MARCHF3: variants seen among roughly 807,000 people sequenced by gnomAD.
MARCHF3 encodes E3 ubiquitin-protein ligase MARCHF3.
Under a neutral mutation model 24.2 loss-of-function variants are expected in MARCHF3, and 13 were observed. The observed-to-expected ratio is 0.54, with a 90% CI of 0.35 to 0.85. The LOEUF is 0.85. Ranked by LOEUF, MARCHF3 falls within the 40% of genes least tolerant of loss-of-function variation. The pLI, the probability that MARCHF3 is intolerant of heterozygous loss-of-function variation, is 0.01. For missense variants in MARCHF3, 276 were observed against 325.0 expected, an observed-to-expected ratio of 0.85 and a Z score of 1.16; for synonymous variants, 144 against 137.3, an observed-to-expected ratio of 1.05 and a Z score of -0.34.
At chr5:126,871,618 A>T (rs1272351760) in intron 4 of MARCHF3, among the ~76,000 whole-genome samples, 4 of 152,158 alleles carry the variant, frequency 2.6e-5, no homozygotes, top group Non-Finnish European at 5.9e-5. Flanking sequence ...GCACTTAGGA[A>T]ATTGCTCAAG....
chr5:126,968,224 T>C (rs1397774020), intron 1 of MARCHF3, among the ~76,000 whole-genome samples: 3 of 152,254 alleles, frequency 2.0e-5, no homozygotes, highest in Admixed American at 2.0e-4. Flanking sequence ...TGTTTCCACA[T>C]ACATTTTCAA....
chr5:127,020,808 C>T (rs1247484375), intron 1 of MARCHF3, among the ~76,000 whole-genome samples: 1 of 151,900 alleles, frequency 6.6e-6, no homozygotes, highest in Non-Finnish European at 1.5e-5. Context: ...GAGACTGTGC[C>T]ACTCTACTCC....
rs1048824917 is a variant in MARCHF3 at position 126,947,243 on chromosome 5, C to T, written c.-56-29016G>A. On this transcript the variant is annotated intron_variant, in intron 1 of 4. Coordinates refer to ENST00000308660, the MANE Select transcript of MARCHF3 (RefSeq NM_178450.5). ...ATTTATTGACAAAGGAATTAATCTT[C>T]ACCAATGATGTTTTTTAAAGCCCAT... Among the ~76,000 whole-genome samples, 3 of 152,210 alleles carry T rather than the reference C, an allele frequency of 2.0e-5. No homozygotes were observed. In the East Asian group the frequency reaches 5.8e-4, roughly 29 times the overall value.
chr5:126,933,400 A>G (rs1749536965), intron 1 of MARCHF3, among the ~76,000 whole-genome samples: 2 of 151,916 alleles, frequency 1.3e-5, no homozygotes, highest in Admixed American at 6.5e-5. Context: ...GGCAAATTCA[A>G]TAACAGAATT....
At chr5:127,004,021 G>C (rs1477882011) in intron 1 of MARCHF3, among the ~76,000 whole-genome samples, 1 of 152,188 alleles carries the variant, frequency 6.6e-6, no homozygotes, top group South Asian at 2.1e-4. Flanking sequence ...GCAGACACCA[G>C]CTGCAGGTGG....
rs371237902 is a variant in MARCHF3 at position 126,932,169 on chromosome 5, A to C, written c.-56-13942T>G. On this transcript the variant is annotated intron_variant, in intron 1 of 4. Transcript: ENST00000308660. ...TTTCTGTTCAAGCCAACAAACATTT[A>C]TCACTATACTGACATTAACATGAGA... 1.6e-3 allele frequency among the ~76,000 whole-genome samples: 245 copies of C among 152,384 alleles called. 6 individuals carry two copies. In the South Asian group the frequency reaches 0.049, roughly 31 times the overall value.
intron 1 of MARCHF3, among the ~76,000 whole-genome samples, chr5:126,941,820 T>C (rs765095407): frequency 3.9e-5 from 6 of 152,208 alleles, no homozygotes; most frequent in Non-Finnish European, 8.8e-5. Context: ...GGAAGAGGCC[T>C]TGGAAGGAAA....
chr5:126,962,828 T>TGTGCGC (rs1185563689), intron 1 of MARCHF3, among the ~76,000 whole-genome samples: 1 of 81,586 alleles, frequency 1.2e-5, no homozygotes, highest in Non-Finnish European at 2.4e-5. Flanking sequence ...TGTGTGTGTG[T>TGTGCGC]GTGTGCGTGT....
At chr5:126,892,964 A>G (rs1435294851) in intron 3 of MARCHF3, among the ~76,000 whole-genome samples, 2 of 151,776 alleles carry the variant, frequency 1.3e-5, no homozygotes, top group Admixed American at 1.3e-4. Flanking sequence ...CCACAATTTC[A>G]GATCCTGTTA....
chr5:126,989,862 G>A (rs991135773), intron 1 of MARCHF3, among the ~76,000 whole-genome samples: 4 of 151,980 alleles, frequency 2.6e-5, no homozygotes, highest in East Asian at 3.9e-4. Context: ...AGTGGCTCAC[G>A]CCTGTAATCC....
rs552818040 is a variant in MARCHF3, at chr5:126,995,491, GT to G, written c.-57+34858del. ...CTGATTATTAAAGCCTGCCATGTGT[GT>G]TTTCTATGATGAAGCAAAGTAATCT... On this transcript the variant is annotated intron_variant, in intron 1 of 4. Transcript: ENST00000308660. Among the ~76,000 whole-genome samples, 9 of 152,286 alleles carry G rather than the reference GT, an allele frequency of 5.9e-5. No homozygotes were observed. In the East Asian group the frequency reaches 1.7e-3, roughly 29 times the overall value.
At chr5:127,026,409 T>C (rs925793971) in intron 1 of MARCHF3, among the ~76,000 whole-genome samples, 2 of 152,250 alleles carry the variant, frequency 1.3e-5, no homozygotes, top group Non-Finnish European at 2.9e-5. Flanking sequence ...ACGTAGGCTT[T>C]GCCGCTTTTG....
At chr5:127,026,172 C>G (rs1294225650) in intron 1 of MARCHF3, among the ~76,000 whole-genome samples, 1 of 151,858 alleles carries the variant, frequency 6.6e-6, no homozygotes, top group Non-Finnish European at 1.5e-5. Flanking sequence ...TCAAGAAAAG[C>G]AGCATTCTAC....
intron 1 of MARCHF3, among the ~76,000 whole-genome samples, chr5:126,978,474 A>G (rs1751277725): frequency 6.6e-6 from 1 of 152,224 alleles, no homozygotes; most frequent in Admixed American, 6.5e-5. Context: ...GTTTCTTTTC[A>G]TACCTAGATA....
intron 4 of MARCHF3, among the ~76,000 whole-genome samples, chr5:126,871,493 G>A (rs1175543666): frequency 6.6e-6 from 1 of 152,230 alleles, no homozygotes; most frequent in African/African-American, 2.4e-5. Flanking sequence ...ACATGGCACT[G>A]AGTGTCCTGA....
At chr5:126,973,879 A>ATTTT (rs10585434) in intron 1 of MARCHF3, among the ~76,000 whole-genome samples, 16 of 82,972 alleles carry the variant, frequency 1.9e-4, no homozygotes, top group Non-Finnish European at 2.6e-4. Context: ...AGCAAAATCT[A>ATTTT]TTTTTTTTTT....
chr5:127,006,301 G>A (rs1269738691), intron 1 of MARCHF3, among the ~76,000 whole-genome samples: 2 of 151,616 alleles, frequency 1.3e-5, no homozygotes, highest in East Asian at 1.9e-4. Context: ...CAGTGTGACC[G>A]AATGTGCTTC....
intron 1 of MARCHF3, among the ~76,000 whole-genome samples, chr5:126,947,887 TG>T (rs1398526509): frequency 1.4e-5 from 2 of 144,018 alleles, no homozygotes; most frequent in African/African-American, 5.1e-5. Flanking sequence ...TTGGGAGGGG[TG>T]GGGGGGCAGC....
At chr5:126,961,169 AAGTACTGAAGAAAAG>A (rs1459357723) in intron 1 of MARCHF3, among the ~76,000 whole-genome samples, 2 of 152,136 alleles carry the variant, frequency 1.3e-5, no homozygotes, top group African/African-American at 4.8e-5. Context: ...TGAATCCCAG[AAGTACTGAAGAAAAG>A]GGAGAAATAT....
Sources: gnomAD v4.1 joint callset for allele counts (sites outside exome capture counted in the v4.1 genomes callset) on GRCh38, gnomAD v4.1.1 for gene constraint, MANE v1.5 for transcripts, NCBI Gene and HGNC (gene_info 2026-07-23, HGNC 2026-07-21) for gene names.